The following CNR2 variants were observed in gnomAD, a reference collection of about 807,000 sequenced individuals.
The protein encoded by CNR2 is cannabinoid receptor 2.
For synonymous variants in CNR2, 172 were observed against 182.2 expected, an observed-to-expected ratio of 0.94 and a Z score of 0.45; for missense variants, 379 against 439.9, an observed-to-expected ratio of 0.86 and a Z score of 1.24.
chr1:23,901,913 T>C, intron 1 of CNR2: 2 of 1,605,472 alleles, frequency 1.2e-6, no homozygotes, highest in Non-Finnish European at 1.7e-6. Context: ...CTGGAATAGG[T>C]GGCACCTCTG....
chr1:23,884,731 A>G (rs1005415082), intron 1 of CNR2, among the ~76,000 whole-genome samples: 6 of 152,198 alleles, frequency 3.9e-5, no homozygotes, highest in Non-Finnish European at 5.9e-5. Context: ...CGAGGTCAGA[A>G]CTAAGGCTTT....
intron 1 of CNR2, among the ~76,000 whole-genome samples, chr1:23,912,192 G>C (rs56694071): frequency 0.021 from 3,168 of 152,270 alleles, 87 homozygotes; most frequent in African/African-American, 0.07. Context: ...AGGCCATCGA[G>C]CTACCAGTGG....
In CNR2 at chr1:23,875,305, C is replaced by G; in HGVS notation, c.313G>C (p.Val105Leu). ...HVFHGVDSKA[V>L]FLLKIGSVTM... ...ACGCTGCCAATCTTCAGCAGGAAGACAGCCTTGGAATCCACACCATGGAAA... is the reference window on the plus strand; with the variant it reads ...ACGCTGCCAATCTTCAGCAGGAAGAGAGCCTTGGAATCCACACCATGGAAA... The change falls in exon 2 of 2, where the codon GTC (valine) becomes CTC (leucine). Residue 105 changes from valine (V) to leucine (L), a missense_variant. By Grantham distance (32) the Val-to-Leu change is conservative. Transcript: ENST00000374472. 6.2e-7 allele frequency: 1 copy of G among 1,614,222 alleles called. No homozygotes were observed. The highest frequency in any genetic ancestry group is 1.3e-5 in the African/African-American group (1 of 75,054).
chr1:23,882,534 G>T (rs971523458), intron 1 of CNR2, among the ~76,000 whole-genome samples: 2 of 151,918 alleles, frequency 1.3e-5, no homozygotes, highest in African/African-American at 4.8e-5. Flanking sequence ...TATCAGGTGC[G>T]GTGGCTTACA....
At chr1:23,880,425 T>C (rs896430218) in intron 1 of CNR2, among the ~76,000 whole-genome samples, 1 of 152,038 alleles carries the variant, frequency 6.6e-6, no homozygotes, top group African/African-American at 2.4e-5. Context: ...CTGCCCGCCT[T>C]AGCCTCCCAA....
Position 23,875,379 on chromosome 1 carries a change from T to C in CNR2, c.239A>G (p.Asp80Gly). 1 of 1,614,178 alleles carries C rather than the reference T, an allele frequency of 6.2e-7. No individual in the cohort carries two copies. The highest frequency in any genetic ancestry group is 8.5e-7 in the Non-Finnish European group (1 of 1,180,034). Residue 80 changes from aspartate to glycine, a missense_variant, in exon 2 of 2, where the codon GAC (aspartate) becomes GGC (glycine). By Grantham distance (94) the Asp-to-Gly change is moderately conservative. Coordinates refer to ENST00000374472, the MANE Select transcript of CNR2 (RefSeq NM_001841.3). The part of the protein sequence containing the change: ...YLFIGSLAGA[D>G]FLASVVFACS... ...TGCAAAGACCACACTGGCCAGGAAG[T>C]CAGCCCCAGCCAAGCTGCCAATGAA...
In CNR2 at chr1:23,875,155, C is replaced by T. The variant is rs769975822; in HGVS notation, c.463G>A (p.Gly155Ser). 1.9e-6 allele frequency: 3 copies of T among 1,613,542 alleles called. No individual in the cohort carries two copies. The highest frequency in any genetic ancestry group is 2.2e-5 in the East Asian group (1 of 44,876). The change falls in exon 2 of 2, where the codon GGC (glycine) becomes AGC (serine). Residue 155 changes from glycine to serine, a missense_variant. Gly to Ser is a moderately conservative substitution (Grantham distance 56). Transcript: ENST00000374472. ...LTRGRALVTL[G>S]IMWVLSALVS... ...AGTGCTGAGAGGACCCACATGATGC[C>T]CAGGGTCACCAGTGCCCTTCCACGG...
chr1:23,874,295 CT>C lies in CNR2; in HGVS notation c.*239del. On this transcript the variant is annotated 3_prime_UTR_variant, in exon 2 of 2. Transcript: ENST00000374472. ...GACTTGTACTGACCCTGTCCCAGGC[CT>C]TTTGTGTCTCGCCTACCTGGCTACT... 2.0e-6 allele frequency: 1 copy of C among 489,192 alleles called. No individual in the cohort carries two copies. Among genetic ancestry groups the C allele is most frequent in the Non-Finnish European group, 3.7e-6 (1 of 269,470 alleles). The allele number at this position is 489,192 out of a possible 1,614,324, so 30.3% of individuals were successfully genotyped here. A position where few individuals can be genotyped will look rare whatever the true frequency, so the allele number is the denominator to read the frequency against.
rs185670834 is a variant in CNR2, at chr1:23,881,412, A to C, written c.-45-5750T>G. 6.3e-3 allele frequency among the ~76,000 whole-genome samples: 927 copies of C among 148,212 alleles called. 7 individuals are homozygous for C. The highest frequency in any genetic ancestry group is 0.01 in the Non-Finnish European group (682 of 67,334). On this transcript the variant is annotated intron_variant, in intron 1 of 1. Coordinates refer to ENST00000374472, the MANE Select transcript of CNR2 (RefSeq NM_001841.3). ...AGGAGTTTGAGACCAGCCTGTCTCT[A>C]ATAAACCCCATCTCTACTAAAAATA...
chr1:23,909,679 G>A (rs1226352913), intron 1 of CNR2, among the ~76,000 whole-genome samples: 14 of 152,050 alleles, frequency 9.2e-5, no homozygotes, highest in Admixed American at 4.6e-4. Context: ...GAGAGAAGCC[G>A]GCCATATTCA....
rs1446335910 is a variant in CNR2 at position 23,873,087 on chromosome 1, C to A, written c.*1448G>T. 6.6e-6 allele frequency: 1 copy of A among 152,162 alleles called. No homozygotes were observed. The highest frequency in any genetic ancestry group is 2.4e-5 in the African/African-American group (1 of 41,438). 9.4% of individuals were successfully genotyped at this position (152,162 alleles called of 1,614,324 possible). On this transcript the variant is annotated 3_prime_UTR_variant, in exon 2 of 2. Transcript: ENST00000374472. ...AAACGAAGACATGTTTAACCAATAT[C>A]TTTCATTTTATTCCATTTGAGGTCC... is the stretch of plus-strand genomic sequence containing the variant.
intron 1 of CNR2, among the ~76,000 whole-genome samples, chr1:23,888,641 G>A (rs1459019048): frequency 6.6e-6 from 1 of 152,060 alleles, no homozygotes. Flanking sequence ...AAGAGAAGCG[G>A]GAGTCTTTCT....
rs1357289970 is a variant in CNR2, at chr1:23,884,087, T to C, written c.-45-8425A>G. ...GACATCTTTATGTCTTTTTTTGTTT[T>C]TGTTTTTTTTGAGACAGAGTCTCAC... On this transcript the variant is annotated intron_variant, in intron 1 of 1. Transcript: ENST00000374472. Among the ~76,000 whole-genome samples, 3 of 151,050 alleles carry C rather than the reference T, an allele frequency of 2.0e-5. No homozygotes were observed. The East Asian group carries it at 5.8e-4, about 29-fold the overall frequency.
chr1:23,874,901 C>T lies in CNR2; in HGVS notation c.717G>A (p.Leu239=). 1 of 1,614,022 alleles carries T rather than the reference C, an allele frequency of 6.2e-7. No individual in the cohort carries two copies. Among genetic ancestry groups the T allele is most frequent in the Admixed American group, 1.7e-5 (1 of 60,010 alleles). Reference sequence around the variant, plus strand: ...CTAGGGTCTTGGCCAACCTCACATCCAGCCTCATTCGGGCCATTCCTGGCA... The same window carrying T: ...CTAGGGTCTTGGCCAACCTCACATCTAGCCTCATTCGGGCCATTCCTGGCA... The part of the protein sequence containing the change: ...RQVPGMARMR[L]DVRLAKTLGL... The change falls in exon 2 of 2, where the codon CTG becomes CTA. Residue 239 remains leucine, a synonymous_variant. Coordinates refer to ENST00000374472, the MANE Select transcript of CNR2 (RefSeq NM_001841.3).
intron 1 of CNR2, among the ~76,000 whole-genome samples, chr1:23,878,627 C>G (rs540752091): frequency 6.6e-6 from 1 of 152,140 alleles, no homozygotes; most frequent in Non-Finnish European, 1.5e-5. Context: ...GATATGCCCA[C>G]CTCGGCCTCC....
intron 1 of CNR2, among the ~76,000 whole-genome samples, chr1:23,879,890 C>T (rs1639948444): frequency 6.6e-6 from 1 of 152,098 alleles, no homozygotes; most frequent in African/African-American, 2.4e-5. Flanking sequence ...TTCTCTGTCC[C>T]AAACCCTGCA....
At chr1:23,909,109 C>A (rs1640544525) in intron 1 of CNR2, among the ~76,000 whole-genome samples, 1 of 152,128 alleles carries the variant, frequency 6.6e-6, no homozygotes, top group Non-Finnish European at 1.5e-5. Flanking sequence ...TCCTCCCCGA[C>A]TGGATGGGGC....
intron 1 of CNR2, among the ~76,000 whole-genome samples, chr1:23,888,628 T>C (rs1640130954): frequency 6.6e-6 from 1 of 151,830 alleles, no homozygotes; most frequent in Non-Finnish European, 1.5e-5. Flanking sequence ...GATGTAAGAG[T>C]AAAAGAGAAG....
chr1:23,878,850 C>T (rs1639931988), intron 1 of CNR2, among the ~76,000 whole-genome samples: 1 of 151,932 alleles, frequency 6.6e-6, no homozygotes, highest in Non-Finnish European at 1.5e-5. Context: ...ACAATAGAAG[C>T]CAAAAAATAA....
Sources: gnomAD v4.1 joint callset for allele counts (sites outside exome capture counted in the v4.1 genomes callset) on GRCh38, gnomAD v4.1.1 for gene constraint, MANE v1.5 for transcripts, NCBI Gene and HGNC (gene_info 2026-07-23, HGNC 2026-07-21) for gene names.